The following RBP2 variants were observed in gnomAD, a reference collection of about 807,000 sequenced individuals.
RBP2 encodes retinol-binding protein 2.
A neutral mutation model predicts 17.0 loss-of-function variants in RBP2; 17 were observed. That is an observed-to-expected ratio of 1.00 (90% CI 0.68 to 1.50). The LOEUF is 1.50. RBP2 is among the 40% of genes most tolerant of loss of function. The probability of loss-of-function intolerance (pLI) is 0.00; values close to 1 mark genes in which losing one functional copy is unlikely to be tolerated. For missense variants in RBP2, 158 were observed against 168.2 expected, an observed-to-expected ratio of 0.94 and a Z score of 0.33; for synonymous variants, 48 against 57.1, an observed-to-expected ratio of 0.84 and a Z score of 0.72.
intron 2 of RBP2, among the ~76,000 whole-genome samples, chr3:139,460,376 C>T (rs1933146410): frequency 6.6e-6 from 1 of 152,166 alleles, no homozygotes; most frequent in South Asian, 2.1e-4. Context: ...GGAAAAATTT[C>T]CATCATGCTT....
intron 1 of RBP2, among the ~76,000 whole-genome samples, chr3:139,475,720 A>C (rs1933716570): frequency 6.6e-6 from 1 of 152,064 alleles, no homozygotes; most frequent in Non-Finnish European, 1.5e-5. Flanking sequence ...CTGGGGACCC[A>C]CTCACTCTAG....
intron 1 of RBP2, among the ~76,000 whole-genome samples, chr3:139,471,334 G>GC (rs1189767049): frequency 1.3e-5 from 2 of 152,226 alleles, no homozygotes; most frequent in African/African-American, 4.8e-5. Context: ...AAATGGTCAA[G>GC]ATGAGATTTT....
At chr3:139,453,841 G>C (rs983819503) in intron 3 of RBP2, among the ~76,000 whole-genome samples, 2 of 152,190 alleles carry the variant, frequency 1.3e-5, no homozygotes, top group Non-Finnish European at 2.9e-5. Context: ...ATTACAATTA[G>C]AAAAATCCAC....
intron 2 of RBP2, among the ~76,000 whole-genome samples, chr3:139,461,905 G>A (rs1933202849): frequency 1.3e-5 from 2 of 152,218 alleles, no homozygotes; most frequent in South Asian, 4.1e-4. Context: ...GGATCATGGA[G>A]AGGTTGAGCT....
rs1389720565 is a variant in RBP2, at chr3:139,454,957, C to T, written c.253-127G>A. ...TTACTCGAAGGGCAGAGCCCTCAGC[C>T]TCAGGGAGCCAAGATGCTTCCAATG... On this transcript the variant is annotated intron_variant, in intron 2 of 3. Transcript: ENST00000232217. The T allele has an allele frequency of 1.1e-5, 9 of 841,470 alleles. No individual in the cohort carries two copies. The Admixed American group carries it at 1.7e-4, about 16-fold the overall frequency. 52.1% of individuals were successfully genotyped at this position (841,470 alleles called of 1,614,324 possible). A position where few individuals can be genotyped will look rare whatever the true frequency, so the allele number is the denominator to read the frequency against.
intron 1 of RBP2, among the ~76,000 whole-genome samples, chr3:139,473,882 G>A (rs966231728): frequency 3.3e-5 from 5 of 152,140 alleles, no homozygotes; most frequent in Admixed American, 1.3e-4. Context: ...ACTTGGGCAG[G>A]AGCAAGTTTC....
chr3:139,463,834 C>G (rs1428150344), intron 1 of RBP2, among the ~76,000 whole-genome samples: 3 of 152,030 alleles, frequency 2.0e-5, no homozygotes, highest in Admixed American at 2.0e-4. Flanking sequence ...TTTAGAAAAT[C>G]CACTGAGAAG....
intron 1 of RBP2, among the ~76,000 whole-genome samples, chr3:139,476,145 C>T (rs1933731517): frequency 6.6e-6 from 1 of 152,154 alleles, no homozygotes; most frequent in African/African-American, 2.4e-5. Context: ...TGTATGTTTT[C>T]TGTGGGCCAG....
intron 1 of RBP2, among the ~76,000 whole-genome samples, chr3:139,466,230 C>G (rs1421218605): frequency 6.6e-6 from 1 of 152,064 alleles, no homozygotes; most frequent in Non-Finnish European, 1.5e-5. Context: ...CCACGGAGCC[C>G]CTCTGTGGAG....
rs1943366573 is a variant in RBP2 at position 139,454,732 on chromosome 3, G to A, written c.351C>T (p.Tyr117=). 6.2e-7 allele frequency: 1 copy of A among 1,613,894 alleles called. No individual in the cohort carries two copies. Among genetic ancestry groups the A allele is most frequent in the East Asian group, 2.2e-5 (1 of 44,888 alleles). ...WKQWIEGDKL[Y]LELTCGDQVC... ...CTGAGCAGAACCCAGTACTTACCAG[G>A]TACAGCTTGTCCCCCTCAATCCACT... The change falls in exon 3 of 4, where the codon TAC becomes TAT. Residue 117 remains tyrosine (Y), a synonymous_variant. Transcript: ENST00000232217.
At chr3:139,475,323 A>AT (rs1933700642) in intron 1 of RBP2, among the ~76,000 whole-genome samples, 7 of 102,624 alleles carry the variant, frequency 6.8e-5, no homozygotes, top group African/African-American at 4.1e-4. Context: ...TGTCCCCAAA[A>AT]TAAAAAAAAA....
Position 139,462,188 on chromosome 3 carries a change from C to A in RBP2, c.176G>T (p.Arg59Leu), listed in dbSNP as rs765508653. The A allele has an allele frequency of 1.2e-6, 2 of 1,613,934 alleles. No homozygotes were observed. The highest frequency in any genetic ancestry group is 2.7e-5 in the African/African-American group (2 of 74,900). The change falls in exon 2 of 4, where the codon CGC becomes CTC. Residue 59 changes from arginine to leucine, a missense_variant. Transcript: ENST00000232217. The part of the protein sequence containing the change: ...NFKTKTTSTF[R>L]NYDVDFTVGV... The stretch of plus-strand genomic sequence containing the variant: ...AACAGTGAAATCCACATCATAGTTG[C>A]GGAATGTGCTAGTGGTTTTTGTCTT...
chr3:139,454,470 C>T (rs910465277), intron 3 of RBP2, among the ~76,000 whole-genome samples: 1 of 152,168 alleles, frequency 6.6e-6, no homozygotes. Flanking sequence ...CTGTATTTCT[C>T]CTTGGATCTC....
chr3:139,474,633 T>A (rs1171223744), intron 1 of RBP2, among the ~76,000 whole-genome samples: 1 of 152,206 alleles, frequency 6.6e-6, no homozygotes, highest in East Asian at 1.9e-4. Context: ...TAATATCATC[T>A]GGAGGGACAG....
intron 1 of RBP2, among the ~76,000 whole-genome samples, chr3:139,463,122 C>G (rs1404468071): frequency 1.3e-5 from 2 of 152,088 alleles, no homozygotes; most frequent in Non-Finnish European, 2.9e-5. Flanking sequence ...TGTGAACCAT[C>G]ATGCCTGGCC....
intron 2 of RBP2, among the ~76,000 whole-genome samples, 165 bp from the exon 3 acceptor site, chr3:139,454,995 T>C (rs1943370429): frequency 6.6e-6 from 1 of 152,230 alleles, no homozygotes; most frequent in African/African-American, 2.4e-5. Context: ...ATTTTCCACA[T>C]ACACCCTCCA....
At chr3:139,455,404 G>A (rs1943378597) in intron 2 of RBP2, among the ~76,000 whole-genome samples, 1 of 152,048 alleles carries the variant, frequency 6.6e-6, no homozygotes, top group Non-Finnish European at 1.5e-5. Context: ...TGCAAATGAA[G>A]ACTTTGTTTT....
chr3:139,463,916 A>T (rs553388835), intron 1 of RBP2, among the ~76,000 whole-genome samples: 19 of 152,330 alleles, frequency 1.2e-4, no homozygotes, highest in African/African-American at 4.6e-4. Flanking sequence ...AGAACAGTTC[A>T]AATTTATCGA....
chr3:139,461,616 T>A (rs1025147976), intron 2 of RBP2, among the ~76,000 whole-genome samples: 1 of 152,218 alleles, frequency 6.6e-6, no homozygotes, highest in African/African-American at 2.4e-5. Context: ...TTGAGATGTT[T>A]CATTTTATAC....
Sources: allele counts gnomAD v4.1 joint callset (sites outside exome capture counted in the v4.1 genomes callset), GRCh38; gene constraint gnomAD v4.1.1; transcripts MANE v1.5; gene names NCBI Gene and HGNC (gene_info 2026-07-23, HGNC 2026-07-21).